The following RAP1GAP variants were observed in gnomAD, a reference collection of about 807,000 sequenced individuals.
RAP1GAP encodes the protein RAP1 GTPase activating protein, also known as rap1 GTPase-activating protein 1.
RAP1GAP carries 35 observed loss-of-function variants against 87.2 expected under a neutral mutation model. That is an observed-to-expected ratio of 0.40 (90% CI 0.31 to 0.53). The LOEUF is 0.53. RAP1GAP is among the 20% of genes least tolerant of loss of function. The pLI is 0.48. For missense variants in RAP1GAP, 734 were observed against 898.9 expected (o/e 0.82, Z 2.35); for synonymous variants, 375 against 363.9 (o/e 1.03, Z -0.35).
Position 21,634,665 on chromosome 1 carries a change from C to A in RAP1GAP, c.-112-8268G>T. The A allele has an allele frequency of 3.4e-6, 1 of 293,452 alleles. No homozygotes were observed. The allele number at this position is 293,452 out of a possible 1,614,324, so 18.2% of individuals were successfully genotyped here. ...ATCCCGGAGCTGGGCCAGGCAGAGG[C>A]CTCCTGAACAAATAACAGGTTGGCA... On this transcript the variant is annotated intron_variant, in intron 2 of 24. Coordinates refer to ENST00000374765, the MANE Select transcript of RAP1GAP (RefSeq NM_002885.4). The surrounding 1 kb of genome is among the most constrained non-coding windows in gnomAD (Gnocchi z 4.1).
At chr1:21,665,334 T>A (rs1198079292) in intron 1 of RAP1GAP, 1 of 466,860 alleles carries the variant, frequency 2.1e-6, no homozygotes, top group African/African-American at 2.0e-5. Context: ...AGTGGGCAAG[T>A]CACTTTCTCT....
chr1:21,602,697 G>A, intron 19 of RAP1GAP, 107 bp downstream of exon 19: 2 of 965,486 alleles, frequency 2.1e-6, no homozygotes, highest in Non-Finnish European at 3.0e-6. Context: ...AGTGGGGATG[G>A]AGAGGCAGAG....
At chr1:21,658,058 G>A (rs1374258447) in intron 1 of RAP1GAP, among the ~76,000 whole-genome samples, 2 of 152,206 alleles carry the variant, frequency 1.3e-5, no homozygotes, top group Non-Finnish European at 2.9e-5. Context: ...CTACGCTGGT[G>A]AGAGTCCCAC....
chr1:21,637,200 A>C (rs1467417642), intron 2 of RAP1GAP, among the ~76,000 whole-genome samples: 1 of 139,260 alleles, frequency 7.2e-6, no homozygotes, highest in Non-Finnish European at 1.5e-5. Context: ...TTTGTCGCCC[A>C]GGGTGGAGTG....
rs1384799243 is a variant in RAP1GAP, at chr1:21,609,271, C to T, written c.1071+304G>A. On this transcript the variant is annotated intron_variant, in intron 15 of 24. Transcript: ENST00000374765. The surrounding 1 kb of genome is among the most constrained non-coding windows in gnomAD (Gnocchi z 4.4). ...AAGCCCAGGCTTGAAGTGTGCCCCT[C>T]CCCAAACATTTTAGAAGAAAGAAAG... Among the ~76,000 whole-genome samples, 1 of 152,058 alleles carries T rather than the reference C, an allele frequency of 6.6e-6. No individual in the cohort carries two copies. Among genetic ancestry groups the T allele is most frequent in the Admixed American group, 6.5e-5 (1 of 15,272 alleles).
rs574820654 is a variant in RAP1GAP at position 21,645,971 on chromosome 1, A to G, written c.-113+3790T>C. Among the ~76,000 whole-genome samples, 16 of 152,334 alleles carry G rather than the reference A, an allele frequency of 1.1e-4. 1 individual carries two copies. The South Asian group carries it at 3.1e-3, about 30-fold the overall frequency. On this transcript the variant is annotated intron_variant, in intron 2 of 24. Coordinates refer to ENST00000374765, the MANE Select transcript of RAP1GAP (RefSeq NM_002885.4). ...TCGAGGGCTAAAGGCATGGGCTCAG[A>G]GTGGCATTACTGTCAGTCTTGGTTC... is the stretch of plus-strand genomic sequence containing the variant.
chr1:21,622,521 G>C lies in RAP1GAP; in HGVS notation c.-18-2471C>G, dbSNP rs1364957606. On this transcript the variant is annotated intron_variant, in intron 3 of 24. Coordinates refer to ENST00000374765, the MANE Select transcript of RAP1GAP (RefSeq NM_002885.4). The surrounding 1 kb of genome is among the most constrained non-coding windows in gnomAD (Gnocchi z 5.7). The stretch of plus-strand genomic sequence containing the variant: ...CGGGCCCCGCAGCGCTGAGCTCCGC[G>C]CTCCCGGCTCCCGGCGGCGGCGCTG... The C allele has an allele frequency of 1.3e-5, 2 of 149,136 alleles. No homozygotes were observed. Among genetic ancestry groups the C allele is most frequent in the African/African-American group, 4.9e-5 (2 of 40,908 alleles). 9.2% of individuals were successfully genotyped at this position (149,136 alleles called of 1,614,324 possible). A position where few individuals can be genotyped will look rare whatever the true frequency, so the allele number is the denominator to read the frequency against.
Position 21,669,151 on chromosome 1 carries a change from CCCCG to C in RAP1GAP, c.-149+99_-149+102del. On this transcript the variant is annotated intron_variant, in intron 1 of 24. Coordinates refer to ENST00000374765, the MANE Select transcript of RAP1GAP (RefSeq NM_002885.4). This position sits in a 1 kb window ranked among gnomAD's most constrained non-coding sequence, Gnocchi z 5.6. ...CCACGCGTTCGCCCCCACCCTCCGTCCCCGCCCGCCCGCGCGGGGTCTTCGCTGC... is the reference window on the plus strand; with the variant it reads ...CCACGCGTTCGCCCCCACCCTCCGTCCCCGCCCGCGCGGGGTCTTCGCTGC... 3.4e-6 allele frequency: 4 copies of C among 1,172,010 alleles called. No homozygotes were observed. The highest frequency in any genetic ancestry group is 9.1e-5 in the East Asian group (1 of 11,010). 72.6% of individuals were successfully genotyped at this position (1,172,010 alleles called of 1,614,324 possible).
In RAP1GAP at chr1:21,615,246, C is replaced by G. The variant is rs576054702; in HGVS notation, c.292-1157G>C. 6.6e-6 allele frequency among the ~76,000 whole-genome samples: 1 copy of G among 152,190 alleles called. No individual in the cohort carries two copies. On this transcript the variant is annotated intron_variant, in intron 7 of 24. Coordinates refer to ENST00000374765, the MANE Select transcript of RAP1GAP (RefSeq NM_002885.4). This position sits in a 1 kb window ranked among gnomAD's most constrained non-coding sequence, Gnocchi z 4.5. ...AAGTCAACGCCCAAAGTCATCCTAA[C>G]CTCCCCTCTCTGCCAGGATAGGGCC...
chr1:21,610,207 G>A lies in RAP1GAP; in HGVS notation c.912C>T (p.Phe304=), dbSNP rs139733672. Residue 304 remains phenylalanine (F), a synonymous_variant, in exon 14 of 25, where the codon TTC becomes TTT. Transcript: ENST00000374765. ...AGTTGGACGCGATCATGTCGGGCAC[G>A]AAAGGAGTGTTCTCATCCTGGAAGA... ...AVVFQDENTP[F]VPDMIASNFL... 2.4e-3 allele frequency: 3,870 copies of A among 1,614,142 alleles called. 69 individuals carry two copies. In the African/African-American group the frequency reaches 0.042, roughly 18 times the overall value.
chr1:21,620,073 C>G (rs367547016), intron 3 of RAP1GAP, 23 bp from the exon 4 acceptor site: 4 of 1,613,094 alleles, frequency 2.5e-6, no homozygotes, highest in Non-Finnish European at 3.4e-6. Flanking sequence ...CAGGGGAGAG[C>G]GAGGTCAGCT....
At chr1:21,657,638 C>T (rs2096917788) in intron 1 of RAP1GAP, among the ~76,000 whole-genome samples, 1 of 152,190 alleles carries the variant, frequency 6.6e-6, no homozygotes. Flanking sequence ...TGGGCGTGGC[C>T]CTCCCAGCCC....
chr1:21,604,129 G>A (rs527676844), intron 18 of RAP1GAP, among the ~76,000 whole-genome samples: 5 of 152,110 alleles, frequency 3.3e-5, no homozygotes, highest in African/African-American at 1.2e-4. Flanking sequence ...CAAGGGAGAC[G>A]GGGGAGAGAT....
chr1:21,618,893 C>A, intron 5 of RAP1GAP, 132 bp downstream of exon 5: 1 of 1,058,738 alleles, frequency 9.4e-7, no homozygotes, highest in East Asian at 2.6e-5. Context: ...CCCCCCCTAC[C>A]CCCGCACCTG....
At position 21,626,902 on chromosome 1, in the gene RAP1GAP, G is replaced by A. The variant is rs1372062749; in HGVS notation, c.-112-505C>T. The A allele has an allele frequency of 1.3e-5, 6 of 456,770 alleles. No individual in the cohort carries two copies. The East Asian group carries it at 2.8e-4, about 21-fold the overall frequency. 28.3% of individuals were successfully genotyped at this position (456,770 alleles called of 1,614,324 possible). On this transcript the variant is annotated intron_variant, in intron 2 of 24. Coordinates refer to ENST00000374765, the MANE Select transcript of RAP1GAP (RefSeq NM_002885.4). ...TGTGCTGAGCCCTCGTTCTAGGCCC[G>A]AGGGCATGGCCTCCTCACCACACTG...
chr1:21,636,614 C>T (rs1356884189), intron 2 of RAP1GAP, among the ~76,000 whole-genome samples: 2 of 151,988 alleles, frequency 1.3e-5, no homozygotes, highest in Non-Finnish European at 2.9e-5. Flanking sequence ...TGAGACCAGC[C>T]TGACCAACGT....
intron 1 of RAP1GAP, among the ~76,000 whole-genome samples, chr1:21,662,264 G>A (rs539731130): frequency 1.3e-5 from 2 of 152,254 alleles, no homozygotes; most frequent in South Asian, 2.1e-4. Flanking sequence ...CAAGGGCTCC[G>A]GCACACTCAG....
At chr1:21,620,611 C>T (rs984367648) in intron 3 of RAP1GAP, among the ~76,000 whole-genome samples, 13 of 152,186 alleles carry the variant, frequency 8.5e-5, no homozygotes, top group Non-Finnish European at 1.0e-4. Context: ...TGAGCCAGGG[C>T]ACACGCAGAG....
chr1:21,603,979 T>C lies in RAP1GAP; in HGVS notation c.1429-1066A>G, dbSNP rs984839887. ...AGAGAGAGTCAGAGAGCAAGAGAGA[T>C]GGTGGGAGGGAGACACAGAGAGGAG... On this transcript the variant is annotated intron_variant, in intron 18 of 24. Transcript: ENST00000374765. This position sits in a 1 kb window ranked among gnomAD's most constrained non-coding sequence, Gnocchi z 6.0. The C allele has an allele frequency of 1.6e-6, 2 of 1,240,030 alleles. No homozygotes were observed. Among genetic ancestry groups the C allele is most frequent in the African/African-American group, 1.5e-5 (1 of 64,824 alleles). 76.8% of individuals were successfully genotyped at this position (1,240,030 alleles called of 1,614,324 possible).
Sources: allele counts gnomAD v4.1 joint callset (sites outside exome capture counted in the v4.1 genomes callset), GRCh38; gene constraint gnomAD v4.1.1; non-coding constraint Gnocchi (gnomAD v3.1); transcripts MANE v1.5; gene names NCBI Gene and HGNC (gene_info 2026-07-23, HGNC 2026-07-21).